Variants in DAPK1 observed in about 807,000 individuals in gnomAD.
DAPK1 encodes death associated protein kinase 1.
A neutral mutation model predicts 144.9 loss-of-function variants in DAPK1; 56 were observed. The ratio of observed to expected loss-of-function variants is 0.39; its 90% confidence interval spans 0.31 to 0.48. The LOEUF (loss-of-function observed/expected upper bound fraction) is 0.48. Among genes scored for constraint, DAPK1 ranks in the 20% least tolerant of loss-of-function variants. The probability of loss-of-function intolerance (pLI) is 0.95; values close to 1 mark genes in which losing one functional copy is unlikely to be tolerated. For synonymous variants in DAPK1, 690 were observed against 749.0 expected, an observed-to-expected ratio of 0.92 and a Z score of 1.29; for missense variants, 1,454 against 1,875.4, an observed-to-expected ratio of 0.78 and a Z score of 4.15.
At chr9:87,699,166 CT>C (rs1208723589) in intron 23 of DAPK1, among the ~76,000 whole-genome samples, 1 of 152,148 alleles carries the variant, frequency 6.6e-6, no homozygotes, top group Non-Finnish European at 1.5e-5. Context: ...GATGCACAAC[CT>C]TTATTTTTCA....
At chr9:87,547,388 G>T (rs183565453) in intron 2 of DAPK1, among the ~76,000 whole-genome samples, 1 of 152,174 alleles carries the variant, frequency 6.6e-6, no homozygotes, top group Non-Finnish European at 1.5e-5. Context: ...TGGTGGACAT[G>T]TTCTGTATCT....
At chr9:87,530,891 C>A (rs889174608) in intron 2 of DAPK1, among the ~76,000 whole-genome samples, 2 of 118,676 alleles carry the variant, frequency 1.7e-5, no homozygotes, top group African/African-American at 6.9e-5. Context: ...GTGACCTCTC[C>A]ATATTCATGC....
chr9:87,571,921 C>T (rs189326160), intron 2 of DAPK1, among the ~76,000 whole-genome samples: 25 of 152,320 alleles, frequency 1.6e-4, no homozygotes, highest in Admixed American at 1.2e-3. Flanking sequence ...GGTTGCAGAC[C>T]GTGGAGTCCC....
At chr9:87,646,681 A>C (rs1830277273) in intron 13 of DAPK1, 122 bp downstream of exon 13, 1 of 711,994 alleles carries the variant, frequency 1.4e-6, no homozygotes, top group Non-Finnish European at 2.3e-6. Flanking sequence ...CTGTAAAGGA[A>C]GATGAGCTGC....
intron 11 of DAPK1, 22 bp downstream of exon 11, chr9:87,643,490 G>C (rs892614216): frequency 7.0e-7 from 1 of 1,437,258 alleles, no homozygotes; most frequent in Admixed American, 2.0e-5. Context: ...CGTGAGCCCT[G>C]GTGCTCCTTT....
At chr9:87,639,054 T>TA (rs1338512685) in intron 4 of DAPK1, among the ~76,000 whole-genome samples, 1 of 152,172 alleles carries the variant, frequency 6.6e-6, no homozygotes, top group Admixed American at 6.5e-5. Flanking sequence ...TTCCCCCAGT[T>TA]ACCCCCACTT....
chr9:87,632,563 G>A (rs937752415), intron 3 of DAPK1: 68 of 972,778 alleles, frequency 7.0e-5, no homozygotes, highest in Non-Finnish European at 7.4e-5. Flanking sequence ...GATGAAGGAG[G>A]ATGAGTATAC....
chr9:87,683,076 AT>A, intron 20 of DAPK1, among the ~76,000 whole-genome samples: 1 of 111,184 alleles, frequency 9.0e-6, no homozygotes, highest in Admixed American at 1.0e-4. Flanking sequence ...AAAAAAATTT[AT>A]TTTATTTATT....
Position 87,667,531 on chromosome 9 carries a change from G to A in DAPK1, c.1924-1066G>A, listed in dbSNP as rs78083478. On this transcript the variant is annotated intron_variant, in intron 18 of 25. Coordinates refer to ENST00000408954, the MANE Select transcript of DAPK1 (RefSeq NM_004938.4). ...GAGAATTGCCTGGTGCAAAATGTCAGTGTTGGCAAGATTGAGCAACAGTGT... is the reference window on the plus strand; with the variant it reads ...GAGAATTGCCTGGTGCAAAATGTCAATGTTGGCAAGATTGAGCAACAGTGT... Among the ~76,000 whole-genome samples, 182 of 152,300 alleles carry A rather than the reference G, an allele frequency of 1.2e-3. 5 individuals are homozygous for A. The East Asian group carries it at 0.026, about 21-fold the overall frequency.
chr9:87,568,789 G>T (rs1827227309), intron 2 of DAPK1, among the ~76,000 whole-genome samples: 1 of 151,090 alleles, frequency 6.6e-6, no homozygotes, highest in South Asian at 2.1e-4. Context: ...TGTTGGGGCT[G>T]TTGCAAAACT....
Position 87,703,249 on chromosome 9 carries a change from T to C in DAPK1, c.3060+32T>C. 2.2e-6 allele frequency: 3 copies of C among 1,365,794 alleles called. No homozygotes were observed. The South Asian group carries it at 3.5e-5, about 16-fold the overall frequency. The allele number at this position is 1,365,794 out of a possible 1,614,324, so 84.6% of individuals were successfully genotyped here. ...CCCTGGGAGCCCAGGCAGGGGGCCG[T>C]GAGAGGTGCCAGGGACTCAGCCTGT... is the stretch of plus-strand genomic sequence containing the variant. On this transcript the variant is annotated intron_variant, in intron 25 of 25. Coordinates refer to ENST00000408954, the MANE Select transcript of DAPK1 (RefSeq NM_004938.4).
chr9:87,571,256 CAG>C (rs781116931), intron 2 of DAPK1, among the ~76,000 whole-genome samples: 1 of 152,012 alleles, frequency 6.6e-6, no homozygotes, highest in Non-Finnish European at 1.5e-5. Context: ...TTTCTCTCTG[CAG>C]AGTCAGCATT....
intron 19 of DAPK1, among the ~76,000 whole-genome samples, chr9:87,680,224 C>T (rs1436615812): frequency 6.6e-6 from 1 of 152,182 alleles, no homozygotes; most frequent in Non-Finnish European, 1.5e-5. Context: ...CCTGCCTCAG[C>T]CTCCCGAGTA....
In DAPK1 at chr9:87,539,430, C is replaced by CTTTTT. The variant is rs34369093; in HGVS notation, c.62+40304_62+40308dup. Among the ~76,000 whole-genome samples, 45 of 129,220 alleles carry CTTTTT rather than the reference C, an allele frequency of 3.5e-4. 1 individual carries two copies. Among genetic ancestry groups the CTTTTT allele is most frequent in the Non-Finnish European group, 4.4e-4 (28 of 63,496 alleles). 84.8% of individuals were successfully genotyped at this position (129,220 alleles called of 152,430 possible). A position where few individuals can be genotyped will look rare whatever the true frequency, so the allele number is the denominator to read the frequency against. ...CAATTTATAAGTTTTAAATTTCTCA[C>CTTTTT]TTTTTTTTTTTTTTTTTGAGACAGA... On this transcript the variant is annotated intron_variant, in intron 2 of 25. Coordinates refer to ENST00000408954, the MANE Select transcript of DAPK1 (RefSeq NM_004938.4).
At chr9:87,521,388 T>C (rs1005901726) in intron 2 of DAPK1, among the ~76,000 whole-genome samples, 1 of 152,248 alleles carries the variant, frequency 6.6e-6, no homozygotes, top group Non-Finnish European at 1.5e-5. Context: ...AGGTGCTGAA[T>C]GTATGATTAG....
intron 2 of DAPK1, among the ~76,000 whole-genome samples, chr9:87,594,851 C>A (rs1332151645): frequency 6.6e-6 from 1 of 152,218 alleles, no homozygotes; most frequent in African/African-American, 2.4e-5. Context: ...GAAGGAGCAC[C>A]AGGCCTGAGG....
intron 2 of DAPK1, among the ~76,000 whole-genome samples, chr9:87,544,016 T>G (rs1010982451): frequency 2.6e-5 from 4 of 152,186 alleles, no homozygotes; most frequent in African/African-American, 9.6e-5. Context: ...TATGAAATTA[T>G]TTCAGTTAAC....
chr9:87,671,228 TGA>T lies in DAPK1; in HGVS notation c.2001+2556_2001+2557del, dbSNP rs1478088316. On this transcript the variant is annotated intron_variant, in intron 19 of 25. Transcript: ENST00000408954. ...AGGGGCTTGTTCCCATTTAGAATTCTGAGTTTCTGGGGGTGGGCTCTCACCCT... is the reference window on the plus strand; with the variant it reads ...AGGGGCTTGTTCCCATTTAGAATTCTGTTTCTGGGGGTGGGCTCTCACCCT... Among the ~76,000 whole-genome samples, 5 of 152,296 alleles carry T rather than the reference TGA, an allele frequency of 3.3e-5. No homozygotes were observed. The East Asian group carries it at 9.7e-4, about 29-fold the overall frequency.
In DAPK1 at chr9:87,697,014, C is replaced by T. The variant is rs909034151; in HGVS notation, c.2421C>T (p.Gly807=). The stretch of plus-strand genomic sequence containing the variant: ...ATTTTTCTTTTTCTGTAGGAGTTGG[C>T]GATTTCAGCGTGTGGGAGTTCTCTG... ...DIQNAYLNGV[G]DFSVWEFSGN... Residue 807 remains glycine (G), a synonymous_variant, in exon 22 of 26, where the codon GGC becomes GGT. Coordinates refer to ENST00000408954, the MANE Select transcript of DAPK1 (RefSeq NM_004938.4). 9.7e-6 allele frequency: 15 copies of T among 1,552,156 alleles called. No homozygotes were observed. Among genetic ancestry groups the T allele is most frequent in the African/African-American group, 2.7e-5 (2 of 73,708 alleles).
Sources: allele counts gnomAD v4.1 joint callset (sites outside exome capture counted in the v4.1 genomes callset), GRCh38; gene constraint gnomAD v4.1.1; transcripts MANE v1.5; gene names NCBI Gene and HGNC (gene_info 2026-07-23, HGNC 2026-07-21).